Variants in PARD3 observed in about 807,000 individuals in gnomAD.
PARD3 encodes the protein par-3 family cell polarity regulator, also known as partitioning defective 3 homolog.
In PARD3, 75 loss-of-function variants were observed where a neutral mutation model predicts 155.4. The observed-to-expected ratio is 0.48, with a 90% confidence interval of 0.40 to 0.58. PARD3 has a LOEUF of 0.58. Among genes scored for constraint, PARD3 ranks in the 20% least tolerant of loss-of-function variants. PARD3 has a pLI of 0.00. For synonymous variants in PARD3, 576 were observed against 610.5 expected, an observed-to-expected ratio of 0.94 and a Z score of 0.83; for missense variants, 1,642 against 1,721.7, an observed-to-expected ratio of 0.95 and a Z score of 0.82.
At chr10:34,181,781 A>C (rs1329962136) in intron 22 of PARD3, among the ~76,000 whole-genome samples, 1 of 152,036 alleles carries the variant, frequency 6.6e-6, no homozygotes, top group African/African-American at 2.4e-5. Flanking sequence ...ATTGTGTTTG[A>C]CCTCTATGCA....
chr10:34,704,834 T>C (rs372730993), intron 1 of PARD3, among the ~76,000 whole-genome samples: 2 of 152,180 alleles, frequency 1.3e-5, no homozygotes, highest in African/African-American at 4.8e-5. Flanking sequence ...CCAACCAGAT[T>C]AGCCACATGA....
At chr10:34,714,311 C>A (rs1212318794) in intron 1 of PARD3, among the ~76,000 whole-genome samples, 1 of 152,148 alleles carries the variant, frequency 6.6e-6, no homozygotes, top group Non-Finnish European at 1.5e-5. Flanking sequence ...AGAAATACTC[C>A]TACATGAATA....
chr10:34,366,366 G>A (rs916348927), intron 12 of PARD3, among the ~76,000 whole-genome samples: 15 of 152,288 alleles, frequency 9.8e-5, no homozygotes, highest in East Asian at 1.9e-4. Flanking sequence ...GGGTTACAGC[G>A]TTGTAGGTTA....
At chr10:34,746,851 G>A (rs533448342) in intron 1 of PARD3, among the ~76,000 whole-genome samples, 15 of 152,256 alleles carry the variant, frequency 9.9e-5, no homozygotes, top group Admixed American at 2.6e-4. Flanking sequence ...AAAGGGAGCC[G>A]TGTCTCCCTC....
At chr10:34,289,386 C>T (rs377358247) in intron 20 of PARD3, among the ~76,000 whole-genome samples, 190 of 152,050 alleles carry the variant, frequency 1.2e-3, no homozygotes, top group African/African-American at 4.3e-3. Context: ...GGCGGGGTTT[C>T]GCCATGTTGG....
intron 22 of PARD3, among the ~76,000 whole-genome samples, chr10:34,226,755 C>T (rs944906221): frequency 6.6e-6 from 1 of 152,160 alleles, no homozygotes; most frequent in Non-Finnish European, 1.5e-5. Context: ...AACTTGTATG[C>T]ACAAGTTCAT....
chr10:34,255,965 G>A (rs984059852), intron 22 of PARD3, among the ~76,000 whole-genome samples: 1 of 152,086 alleles, frequency 6.6e-6, no homozygotes, highest in Non-Finnish European at 1.5e-5. Context: ...TTCCAATGGT[G>A]TTGGAATCAA....
At chr10:34,417,215 T>C (rs1000154837) in intron 5 of PARD3, among the ~76,000 whole-genome samples, 1 of 152,210 alleles carries the variant, frequency 6.6e-6, no homozygotes, top group Non-Finnish European at 1.5e-5. Flanking sequence ...ATTGTGTCAA[T>C]TAAACTTTCT....
At chr10:34,489,306 T>C (rs2079714276) in intron 3 of PARD3, among the ~76,000 whole-genome samples, 1 of 152,034 alleles carries the variant, frequency 6.6e-6, no homozygotes, top group Non-Finnish European at 1.5e-5. Context: ...TCCATTCTGG[T>C]GAGGACAGGA....
chr10:34,349,580 T>TAAAAAAAA lies in PARD3; in HGVS notation c.2068-1473_2068-1466dup. On this transcript the variant is annotated intron_variant, in intron 14 of 24. Coordinates refer to ENST00000374788, the MANE Select transcript of PARD3 (RefSeq NM_001184785.2). ...TAAATTCCAAGAGACTCTGGGAAAG[T>TAAAAAAAA]AAAAAAAAAAAAAAAAAAAAAAAAA... is the stretch of plus-strand genomic sequence containing the variant. Among the ~76,000 whole-genome samples, 101 of 44,708 alleles carry TAAAAAAAA rather than the reference T, an allele frequency of 2.3e-3. 3 individuals are homozygous for TAAAAAAAA. The highest frequency in any genetic ancestry group is 8.0e-3 in the African/African-American group (71 of 8,888). 29.3% of individuals were successfully genotyped at this position (44,708 alleles called of 152,430 possible).
At chr10:34,595,313 C>G (rs763452027) in intron 2 of PARD3, among the ~76,000 whole-genome samples, 1 of 152,084 alleles carries the variant, frequency 6.6e-6, no homozygotes, top group Non-Finnish European at 1.5e-5. Context: ...ATAGAAATTT[C>G]CATTGCAAAA....
rs80053248 is a variant in PARD3, at chr10:34,495,408, T to C, written c.403+21571A>G. Among the ~76,000 whole-genome samples, 202 of 152,324 alleles carry C rather than the reference T, an allele frequency of 1.3e-3. 1 individual carries two copies. The highest frequency in any genetic ancestry group is 4.5e-3 in the African/African-American group (187 of 41,568). The stretch of plus-strand genomic sequence containing the variant: ...ATTGGCAAGGAGAACCCACATTTAT[T>C]GGTACCCTTGGAAAGATTAATCACT... On this transcript the variant is annotated intron_variant, in intron 3 of 24. Coordinates refer to ENST00000374788, the MANE Select transcript of PARD3 (RefSeq NM_001184785.2).
At chr10:34,349,942 C>G (rs1194794031) in intron 14 of PARD3, among the ~76,000 whole-genome samples, 3 of 152,080 alleles carry the variant, frequency 2.0e-5, no homozygotes, top group Non-Finnish European at 4.4e-5. Context: ...TGCAGGTTTT[C>G]TAGAGAAAAA....
At chr10:34,594,047 T>C (rs532747532) in intron 2 of PARD3, among the ~76,000 whole-genome samples, 1 of 152,284 alleles carries the variant, frequency 6.6e-6, no homozygotes, top group African/African-American at 2.4e-5. Flanking sequence ...AGATTTGCAT[T>C]TATTACAGCC....
rs374551112 is a variant in PARD3 at position 34,814,010 on chromosome 10, T to C, written c.120+866A>G. ...ATGCTGTGAAGTGGAGACAATGTTA[T>C]CAGTCCACCAGGAAAAAGGGAAATC... On this transcript the variant is annotated intron_variant, in intron 1 of 24. Transcript: ENST00000374788. 5.3e-5 allele frequency among the ~76,000 whole-genome samples: 8 copies of C among 152,172 alleles called. No homozygotes were observed. The South Asian group carries it at 8.3e-4, about 16-fold the overall frequency.
intron 9 of PARD3, among the ~76,000 whole-genome samples, chr10:34,379,398 T>C (rs550481783): frequency 6.6e-6 from 1 of 152,272 alleles, no homozygotes; most frequent in Non-Finnish European, 1.5e-5. Flanking sequence ...GGACTATTAA[T>C]ATTTCTGATG....
intron 3 of PARD3, among the ~76,000 whole-genome samples, chr10:34,488,139 C>T (rs995322589): frequency 6.6e-6 from 1 of 152,114 alleles, no homozygotes; most frequent in Admixed American, 6.5e-5. Flanking sequence ...AGCTCCTGCA[C>T]TTTACAAGAT....
chr10:34,632,461 C>A (rs1408575479), intron 2 of PARD3, among the ~76,000 whole-genome samples: 1 of 152,120 alleles, frequency 6.6e-6, no homozygotes, highest in Non-Finnish European at 1.5e-5. Flanking sequence ...CCATGTAGGA[C>A]AAAGGAATTA....
intron 1 of PARD3, among the ~76,000 whole-genome samples, chr10:34,756,150 C>CTTTTTT (rs58993670): frequency 6.5e-4 from 61 of 94,556 alleles, no homozygotes; most frequent in African/African-American, 2.4e-3. Flanking sequence ...AAAAATGCAC[C>CTTTTTT]TTTTTTTTTT....
Sources: allele counts gnomAD v4.1 joint callset (sites outside exome capture counted in the v4.1 genomes callset), GRCh38; gene constraint gnomAD v4.1.1; transcripts MANE v1.5; gene names NCBI Gene and HGNC (gene_info 2026-07-23, HGNC 2026-07-21).